Variants in PWWP3B observed in about 807,000 individuals in gnomAD.
The protein encoded by PWWP3B is PWWP domain-containing DNA repair factor 3B.
Under a neutral mutation model 15.7 loss-of-function variants are expected in PWWP3B, and 5 were observed. The observed-to-expected ratio is 0.32, with a 90% CI of 0.17 to 0.67. The LOEUF (loss-of-function observed/expected upper bound fraction) is 0.67. Ranked by LOEUF, PWWP3B falls within the 30% of genes least tolerant of loss-of-function variation. The pLI is 0.74. For synonymous variants in PWWP3B, 203 were observed against 179.8 expected (o/e 1.13, Z -1.03); for missense variants, 519 against 493.1 (o/e 1.05, Z -0.50).
intron 2 of PWWP3B, among the ~76,000 whole-genome samples, chrX:106,192,656 C>A (rs2147617839): frequency 9.0e-6 from 1 of 111,168 alleles, no homozygotes; most frequent in South Asian, 3.9e-4. Context: ...TTAGATCTTT[C>A]CTGCTTTCTC....
intron 2 of PWWP3B, among the ~76,000 whole-genome samples, chrX:106,189,617 T>C (rs1454396641): frequency 7.6e-4 from 77 of 100,668 alleles, no homozygotes; most frequent in East Asian, 2.8e-3. Flanking sequence ...ATTTTCTTTT[T>C]TTTTTTTTTT....
intron 2 of PWWP3B, among the ~76,000 whole-genome samples, chrX:106,199,003 T>C (rs1405150833): frequency 9.0e-6 from 1 of 110,553 alleles, no homozygotes; most frequent in Non-Finnish European, 1.9e-5. Flanking sequence ...CTTGAAAGCA[T>C]TGAAAGGATT....
At chrX:106,199,752 T>C (rs1923590257) in intron 2 of PWWP3B, among the ~76,000 whole-genome samples, 1 of 110,720 alleles carries the variant, frequency 9.0e-6, no homozygotes, top group Non-Finnish European at 1.9e-5. Flanking sequence ...AGTGAGGGAG[T>C]CTGGGAAAGA....
rs1923860304 is a variant in PWWP3B at position 106,204,185 on chromosome X, A to G, written c.-215+15A>G. ...CATGACAGTGGGTAAGACTCTTCCC[A>G]TTTCATAAAACATTTCACGGTAGAA... On this transcript the variant is annotated intron_variant, in intron 3 of 3. Coordinates refer to ENST00000357175, the MANE Select transcript of PWWP3B (RefSeq NM_001171020.2). The G allele has an allele frequency of 8.9e-6, 1 of 112,199 alleles. No homozygotes were observed. The allele number at this position is 112,199 out of a possible 1,213,427, so 9.2% of individuals were successfully genotyped here.
Position 106,206,129 on chromosome X carries a change from G to A in PWWP3B, c.697G>A (p.Asp233Asn). Residue 233 changes from aspartate (D) to asparagine (N), a missense_variant, in exon 4 of 4, where the codon GAT becomes AAT. Asp to Asn is a conservative substitution (Grantham distance 23). Transcript: ENST00000357175. The part of the protein sequence containing the change: ...AVKEESACVK[D>N]EKFAPPLSPL... The stretch of plus-strand genomic sequence containing the variant: ...CAAAGAGGAAAGTGCATGTGTTAAA[G>A]ATGAAAAGTTTGCTCCACCTTTGTC... 3 of 1,210,966 alleles carry A rather than the reference G, an allele frequency of 2.5e-6. No individual in the cohort carries two copies. The highest frequency in any genetic ancestry group is 3.4e-6 in the Non-Finnish European group (3 of 895,084).
At chrX:106,173,627 C>G (rs1392638051) in intron 2 of PWWP3B, among the ~76,000 whole-genome samples, 2 of 112,002 alleles carry the variant, frequency 1.8e-5, no homozygotes, top group Non-Finnish European at 3.8e-5. Context: ...AAAGAGGCTA[C>G]AACAGACGAG....
intron 2 of PWWP3B, among the ~76,000 whole-genome samples, chrX:106,185,208 A>G (rs946141673): frequency 9.0e-6 from 1 of 111,360 alleles, no homozygotes; most frequent in African/African-American, 3.3e-5. Context: ...TGCAGAAAAA[A>G]CATGAGCTAC....
chrX:106,203,854 T>A (rs1432373520), intron 2 of PWWP3B, 131 bp from the exon 3 acceptor site: 1 of 112,461 alleles, frequency 8.9e-6, no homozygotes, highest in Non-Finnish European at 1.9e-5. Flanking sequence ...AAACATGGCA[T>A]CTACATCACG....
chrX:106,191,668 G>A (rs1221285438), intron 2 of PWWP3B, among the ~76,000 whole-genome samples: 2 of 110,954 alleles, frequency 1.8e-5, no homozygotes, highest in Admixed American at 9.6e-5. Flanking sequence ...TATGATATTG[G>A]CTGTGGGTTT....
Position 106,205,482 on chromosome X carries a change from C to A in PWWP3B, c.50C>A (p.Ala17Glu). Reference sequence around the variant, plus strand: ...AACTGGAAAGACCAGTTGTGGCCAGCAAAAGTTTTGTCCAGATCTGAAACT... The same window carrying A: ...AACTGGAAAGACCAGTTGTGGCCAGAAAAAGTTTTGTCCAGATCTGAAACT... ...LCNWKDQLWP[A>E]KVLSRSETSS... Residue 17 changes from alanine (A) to glutamate (E), a missense_variant, in exon 4 of 4, where the codon GCA (alanine) becomes GAA (glutamate). Transcript: ENST00000357175. 1 of 1,193,473 alleles carries A rather than the reference C, an allele frequency of 8.4e-7. No individual in the cohort carries two copies. The highest frequency in any genetic ancestry group is 1.1e-6 in the Non-Finnish European group (1 of 886,633).
chrX:106,179,383 A>G (rs1415590438), intron 2 of PWWP3B, among the ~76,000 whole-genome samples: 1 of 112,260 alleles, frequency 8.9e-6, no homozygotes, highest in Admixed American at 9.5e-5. Flanking sequence ...CATAACTGAC[A>G]AAGAGAGCAT....
chrX:106,174,985 G>A (rs1405802350), intron 2 of PWWP3B, among the ~76,000 whole-genome samples: 25 of 103,849 alleles, frequency 2.4e-4, no homozygotes, highest in African/African-American at 8.9e-4. Flanking sequence ...GAGGCAGAGT[G>A]AGCTGAGATC....
chrX:106,202,536 AG>A (rs1246917194), intron 2 of PWWP3B, among the ~76,000 whole-genome samples: 1 of 111,552 alleles, frequency 9.0e-6, no homozygotes, highest in Non-Finnish European at 1.9e-5. Flanking sequence ...GACTTGATCA[AG>A]TGGGTAGCAT....
chrX:106,193,149 TC>T (rs1383185760), intron 2 of PWWP3B, among the ~76,000 whole-genome samples: 5 of 111,404 alleles, frequency 4.5e-5, no homozygotes, highest in African/African-American at 1.6e-4. Context: ...TGTTAAAGTC[TC>T]CCATTATTAT....
Position 106,183,392 on chromosome X carries a change from G to A in PWWP3B, c.-401+12253G>A, listed in dbSNP as rs190863300. Among the ~76,000 whole-genome samples, 174 of 111,614 alleles carry A rather than the reference G, an allele frequency of 1.6e-3. 2 individuals are homozygous for A. Among genetic ancestry groups the A allele is most frequent in the African/African-American group, 5.2e-3 (160 of 30,692 alleles). On this transcript the variant is annotated intron_variant, in intron 2 of 3. Coordinates refer to ENST00000357175, the MANE Select transcript of PWWP3B (RefSeq NM_001171020.2). Reference sequence around the variant, plus strand: ...ATATTGCTTTTGATAAGGAAAAGTGGTGGGGTCTTTTAGCCTGATTTGGAC... The same window carrying A: ...ATATTGCTTTTGATAAGGAAAAGTGATGGGGTCTTTTAGCCTGATTTGGAC...
At chrX:106,199,205 A>AGCCT (rs1224582746) in intron 2 of PWWP3B, among the ~76,000 whole-genome samples, 5 of 109,614 alleles carry the variant, frequency 4.6e-5, no homozygotes, top group Non-Finnish European at 9.5e-5. Flanking sequence ...CCCGCCACCA[A>AGCCT]GCCTGGCTAA....
chrX:106,189,738 C>T (rs1922779536), intron 2 of PWWP3B, among the ~76,000 whole-genome samples: 1 of 108,415 alleles, frequency 9.2e-6, no homozygotes, highest in African/African-American at 3.4e-5. Flanking sequence ...CTGCCTCAGC[C>T]TCCCGAGTAG....
At chrX:106,186,992 C>A (rs1770831646) in intron 2 of PWWP3B, among the ~76,000 whole-genome samples, 1 of 111,835 alleles carries the variant, frequency 8.9e-6, no homozygotes, top group Non-Finnish European at 1.9e-5. Flanking sequence ...ATTTACAATC[C>A]TCTAGCTAGA....
chrX:106,187,710 CT>C (rs1922604986), intron 2 of PWWP3B, among the ~76,000 whole-genome samples: 1 of 111,583 alleles, frequency 9.0e-6, no homozygotes, highest in Admixed American at 9.5e-5. Context: ...TGTTACTTGT[CT>C]GTGCTTCTGC....
Sources: gnomAD v4.1 joint callset for allele counts (sites outside exome capture counted in the v4.1 genomes callset) on GRCh38, gnomAD v4.1.1 for gene constraint, MANE v1.5 for transcripts, NCBI Gene and HGNC (gene_info 2026-07-23, HGNC 2026-07-21) for gene names.